Variants in ADSS1 observed in about 807,000 individuals in gnomAD.
ADSS1 encodes the protein adenylosuccinate synthase 1, also known as adenylosuccinate synthetase isozyme 1.
In ADSS1, 57 loss-of-function variants were observed where a neutral mutation model predicts 59.1. The ratio of observed to expected loss-of-function variants is 0.97; its 90% CI spans 0.78 to 1.20. ADSS1 has a LOEUF of 1.20. ADSS1 is among the 50% of genes most tolerant of loss of function. The pLI is 0.00. For synonymous variants in ADSS1, 247 were observed against 249.4 expected (o/e 0.99, Z 0.09); for missense variants, 603 against 610.3 (o/e 0.99, Z 0.13).
In ADSS1 at chr14:104,736,881, G is replaced by GATT. The variant is rs1254196679; in HGVS notation, c.296-1493_296-1492insTAT. Among the ~76,000 whole-genome samples, 77 of 106,582 alleles carry GATT rather than the reference G, an allele frequency of 7.2e-4. 2 individuals are homozygous for GATT. The highest frequency in any genetic ancestry group is 2.6e-3 in the African/African-American group (73 of 28,130). The allele number at this position is 106,582 out of a possible 152,430, so 69.9% of individuals were successfully genotyped here. On this transcript the variant is annotated intron_variant, in intron 2 of 12. Transcript: ENST00000330877. ...CAGGCTTATGCCACCGCACCTAGCTGATATATATATATATATATATATATA... is the reference window on the plus strand; with the variant it reads ...CAGGCTTATGCCACCGCACCTAGCTGATTATATATATATATATATATATATATA...
chr14:104,733,662 C>G (rs1481482239), intron 1 of ADSS1, among the ~76,000 whole-genome samples: 5 of 152,248 alleles, frequency 3.3e-5, no homozygotes, highest in African/African-American at 9.6e-5. Context: ...GGGAGAATCC[C>G]CCATGCGTAG....
intron 1 of ADSS1, among the ~76,000 whole-genome samples, chr14:104,725,130 G>C (rs1231398145): frequency 1.3e-5 from 2 of 152,322 alleles, no homozygotes; most frequent in African/African-American, 4.8e-5. Context: ...GTGGCTGGCA[G>C]TGCCACCGAG....
At chr14:104,746,888 GA>G (rs757447689) in intron 12 of ADSS1, 62 bp from the exon 13 acceptor site, 1 of 1,561,114 alleles carries the variant, frequency 6.4e-7, no homozygotes. Flanking sequence ...CGACACTAAA[GA>G]CAACTTTTTC....
In ADSS1 at chr14:104,743,089, C is replaced by G; in HGVS notation, c.971C>G (p.Thr324Ser). 1 of 1,613,116 alleles carries G rather than the reference C, an allele frequency of 6.2e-7. No homozygotes were observed. Among genetic ancestry groups the G allele is most frequent in the Non-Finnish European group, 8.5e-7 (1 of 1,179,998 alleles). ...QINEIGGLLQ[T>S]RGHEWGVTTG... ...TAGGAGATTGGAGGCCTGCTGCAGA[C>G]CCGCGGCCACGAGTGGGGAGTGACC... is the stretch of plus-strand genomic sequence containing the variant. Residue 324 changes from threonine to serine, a missense_variant, in exon 10 of 13, where the codon ACC becomes AGC. By Grantham distance (58) the Thr-to-Ser change is moderately conservative. Coordinates refer to ENST00000330877, the MANE Select transcript of ADSS1 (RefSeq NM_152328.5).
chr14:104,736,911 T>TATATATATATA (rs1566798291), intron 2 of ADSS1, among the ~76,000 whole-genome samples: 5 of 143,284 alleles, frequency 3.5e-5, no homozygotes, highest in African/African-American at 1.3e-4. Context: ...TATATATATA[T>TATATATATATA]ATGCATTTTT....
At chr14:104,742,872 T>C (rs1469424231) in intron 9 of ADSS1, among the ~76,000 whole-genome samples, 195 bp from the exon 10 acceptor site, 1 of 152,156 alleles carries the variant, frequency 6.6e-6, no homozygotes, top group African/African-American at 2.4e-5. Flanking sequence ...GCCTTGCCCA[T>C]TGTGAGCCTC....
intron 1 of ADSS1, chr14:104,730,299 G>T: frequency 6.7e-6 from 9 of 1,341,558 alleles, no homozygotes; most frequent in Non-Finnish European, 8.8e-6. Flanking sequence ...TTCAAGACCA[G>T]CCTGGCCAAG....
rs1332935015 is a variant in ADSS1, at chr14:104,735,125, G to A, written c.295+3G>A. The stretch of plus-strand genomic sequence containing the variant: ...CACCAAGGCCGTGTCCTTCATTGGT[G>A]AGTGCCCTGCCCCGACCTGTGTGTG... On this transcript the variant is annotated splice_donor_region_variant and intron_variant, in intron 2 of 12. Transcript: ENST00000330877. 6.2e-7 allele frequency: 1 copy of A among 1,606,142 alleles called. No homozygotes were observed. Among genetic ancestry groups the A allele is most frequent in the Admixed American group, 1.7e-5 (1 of 59,384 alleles).
chr14:104,729,451 C>T (rs943820221), intron 1 of ADSS1, among the ~76,000 whole-genome samples: 3 of 151,762 alleles, frequency 2.0e-5, no homozygotes, highest in African/African-American at 4.8e-5. Flanking sequence ...TGTGTGGAGA[C>T]GCCTTGCACG....
At position 104,743,119 on chromosome 14, in the gene ADSS1, G is replaced by C; in HGVS notation, c.1001G>C (p.Gly334Ala). The C allele has an allele frequency of 6.2e-7, 1 of 1,613,082 alleles. No homozygotes were observed. Among genetic ancestry groups the C allele is most frequent in the Non-Finnish European group, 8.5e-7 (1 of 1,180,016 alleles). ...TRGHEWGVTT[G>A]RKRRCGWLDL... ...GGCCACGAGTGGGGAGTGACCACAG[G>C]CAGGAAGAGGCGCTGCGGCTGGCTC... is the stretch of plus-strand genomic sequence containing the variant. The change falls in exon 10 of 13, where the codon GGC becomes GCC. Residue 334 changes from glycine to alanine, a missense_variant. Physicochemically the swap from Gly to Ala is moderately conservative, Grantham distance 60 (BLOSUM62 0). Transcript: ENST00000330877.
chr14:104,740,916 T>C lies in ADSS1; in HGVS notation c.662T>C (p.Leu221Pro). Residue 221 changes from leucine (L) to proline (P), a missense_variant, in exon 7 of 13, where the codon CTC becomes CCC. Physicochemically the swap from Leu to Pro is moderately conservative, Grantham distance 98. Coordinates refer to ENST00000330877, the MANE Select transcript of ADSS1 (RefSeq NM_152328.5). The surrounding 1 kb of genome is among the most constrained non-coding windows in gnomAD (Gnocchi z 4.8). ...EIDIEGQLKRLKGFAERIRPM... is the reference protein window; with the variant it reads ...EIDIEGQLKRPKGFAERIRPM... ...GACATTGAAGGCCAACTCAAAAGGC[T>C]CAAGGTGAAGTCGGGGCCGCAGTGT... The C allele has an allele frequency of 1.2e-6, 2 of 1,613,814 alleles. No homozygotes were observed. Among genetic ancestry groups the C allele is most frequent in the Non-Finnish European group, 8.5e-7 (1 of 1,179,984 alleles).
intron 5 of ADSS1, 107 bp downstream of exon 5, chr14:104,739,923 C>A: frequency 1.7e-6 from 2 of 1,185,494 alleles, no homozygotes; most frequent in Non-Finnish European, 2.4e-6. Context: ...GTACCTCAAC[C>A]CACTCAAAGC....
At position 104,740,094 on chromosome 14, in the gene ADSS1, C is replaced by T. The variant is rs555567061; in HGVS notation, c.476+278C>T. 1.3e-5 allele frequency among the ~76,000 whole-genome samples: 2 copies of T among 152,268 alleles called. No individual in the cohort carries two copies. Among genetic ancestry groups the T allele is most frequent in the South Asian group, 4.2e-4 (2 of 4,816 alleles). On this transcript the variant is annotated intron_variant, in intron 5 of 12. Transcript: ENST00000330877. The surrounding 1 kb of genome is among the most constrained non-coding windows in gnomAD (Gnocchi z 4.8). ...CCCTACCGTCACCTGTCACACCCAC[C>T]ACCTTTCCTGACTCCACACGGCCCC...
At position 104,735,021 on chromosome 14, in the gene ADSS1, G is replaced by C; in HGVS notation, c.194G>C (p.Gly65Ala). ...TDADIISRCQGGNNAGHTVVV... is the reference protein window; with the variant it reads ...TDADIISRCQAGNNAGHTVVV... ...AGCTCAGCCGGGTTTCTGTTCCAGG[G>C]GGGCAACAACGCCGGCCACACGGTG... is the stretch of plus-strand genomic sequence containing the variant. The change falls in exon 2 of 13, where the codon GGG (glycine) becomes GCG (alanine). Residue 65 changes from glycine to alanine, a missense_variant and splice_region_variant. Coordinates refer to ENST00000330877, the MANE Select transcript of ADSS1 (RefSeq NM_152328.5). 1.2e-6 allele frequency: 2 copies of C among 1,612,672 alleles called. No homozygotes were observed. The highest frequency in any genetic ancestry group is 1.7e-6 in the Non-Finnish European group (2 of 1,178,990).
Position 104,741,933 on chromosome 14 carries a change from C to G in ADSS1, c.879C>G (p.Asp293Glu), listed in dbSNP as rs148388939. 6.2e-7 allele frequency: 1 copy of G among 1,613,370 alleles called. No homozygotes were observed. The highest frequency in any genetic ancestry group is 1.3e-5 in the African/African-American group (1 of 74,928). The stretch of plus-strand genomic sequence containing the variant: ...GCATCCCCCCGCAGAACATAGGTGA[C>G]GTGTATGGCGTGGTGAAAGCCTATA... ...GLGIPPQNIG[D>E]VYGVVKAYTT... Residue 293 changes from aspartate (D) to glutamate (E), a missense_variant, in exon 9 of 13, where the codon GAC (aspartate) becomes GAG (glutamate). Coordinates refer to ENST00000330877, the MANE Select transcript of ADSS1 (RefSeq NM_152328.5).
intron 1 of ADSS1, 103 bp from the exon 2 acceptor site, chr14:104,734,916 CA>C (rs976596917): frequency 2.0e-4 from 192 of 950,840 alleles, no homozygotes; most frequent in Middle Eastern, 4.2e-4. Context: ...CAAAATCCAA[CA>C]GCAGTGCCCT....
intron 2 of ADSS1, among the ~76,000 whole-genome samples, chr14:104,735,557 G>A (rs928801880): frequency 2.0e-5 from 3 of 152,326 alleles, no homozygotes; most frequent in African/African-American, 4.8e-5. Flanking sequence ...GGACAAGGCC[G>A]TGCCCTCCCC....
intron 3 of ADSS1, among the ~76,000 whole-genome samples, 172 bp from the exon 4 acceptor site, chr14:104,739,156 C>A (rs1288437259): frequency 7.2e-6 from 1 of 138,696 alleles, no homozygotes; most frequent in Non-Finnish European, 1.5e-5. Context: ...GGGGAGGAGA[C>A]AACGAGGGGC....
At chr14:104,730,782 G>T (rs1377192470) in intron 1 of ADSS1, among the ~76,000 whole-genome samples, 1 of 152,022 alleles carries the variant, frequency 6.6e-6, no homozygotes, top group East Asian at 1.9e-4. Flanking sequence ...GCCCCCAGAG[G>T]GGTGAGTTGG....
Sources: gnomAD v4.1 joint callset for allele counts (sites outside exome capture counted in the v4.1 genomes callset) on GRCh38, gnomAD v4.1.1 for gene constraint, Gnocchi (gnomAD v3.1) non-coding constraint, MANE v1.5 for transcripts, NCBI Gene and HGNC (gene_info 2026-07-23, HGNC 2026-07-21) for gene names.